ULK4: variants seen among roughly 807,000 people sequenced by gnomAD.
ULK4 encodes inactive serine/threonine-protein kinase ULK4.
ULK4 carries 133 observed loss-of-function variants against 160.6 expected under a neutral mutation model. That is an observed-to-expected ratio of 0.83 (90% CI 0.72 to 0.96). The LOEUF is 0.96. Ranked by LOEUF, ULK4 falls within the 40% of genes least tolerant of loss-of-function variation. The pLI is 0.00. For missense variants in ULK4, 1,580 were observed against 1,499.5 expected, an observed-to-expected ratio of 1.05 and a Z score of -0.89; for synonymous variants, 534 against 539.8, an observed-to-expected ratio of 0.99 and a Z score of 0.15.
chr3:41,903,571 C>T (rs987826734), intron 12 of ULK4, among the ~76,000 whole-genome samples: 2 of 137,610 alleles, frequency 1.5e-5, no homozygotes, highest in Non-Finnish European at 3.1e-5. Context: ...GCAAACAGAG[C>T]GAGACTCTGT....
At position 41,447,918 on chromosome 3, in the gene ULK4, C is replaced by T. The variant is rs534000985; in HGVS notation, c.3492+7579G>A. Among the ~76,000 whole-genome samples the T allele has an allele frequency of 2.6e-5, 4 of 152,072 alleles. No homozygotes were observed. The South Asian group carries it at 6.2e-4, about 24-fold the overall frequency. ...TGATGCAATTTTAAAGCAAGCGAGC[C>T]GAGCCAGTGAGCCATCACCACCACC... On this transcript the variant is annotated intron_variant, in intron 34 of 36. Transcript: ENST00000301831.
intron 21 of ULK4, among the ~76,000 whole-genome samples, chr3:41,775,217 ATAATAAAAG>A (rs1156842624): frequency 6.6e-6 from 1 of 150,602 alleles, no homozygotes; most frequent in Non-Finnish European, 1.5e-5. Context: ...AAGTATAATA[ATAATAAAAG>A]TAATAAAAAT....
At chr3:41,247,128 C>G (rs1336755095) in intron 36 of ULK4, 136 bp from the exon 37 acceptor site, 4 of 858,858 alleles carry the variant, frequency 4.7e-6, no homozygotes, top group Non-Finnish European at 7.4e-6. Flanking sequence ...GAAGCAGAAG[C>G]AGGAAATCCT....
chr3:41,774,978 A>C (rs1022105356), intron 21 of ULK4, among the ~76,000 whole-genome samples: 20 of 149,812 alleles, frequency 1.3e-4, no homozygotes, highest in Non-Finnish European at 2.2e-4. Flanking sequence ...AAGGACAAAA[A>C]ACCAAACACC....
At chr3:41,507,120 C>T (rs2085421625) in intron 32 of ULK4, among the ~76,000 whole-genome samples, 1 of 94,118 alleles carries the variant, frequency 1.1e-5, no homozygotes. Context: ...AGACAAGTAC[C>T]TTATAGATTC....
At chr3:41,580,564 C>G (rs2030229956) in intron 31 of ULK4, among the ~76,000 whole-genome samples, 1 of 152,084 alleles carries the variant, frequency 6.6e-6, no homozygotes, top group South Asian at 2.1e-4. Context: ...ATCCAAATCA[C>G]TGTCACCAGA....
intron 17 of ULK4, among the ~76,000 whole-genome samples, chr3:41,871,283 T>C (rs959675249): frequency 1.1e-4 from 17 of 152,216 alleles, no homozygotes; most frequent in Admixed American, 2.0e-4. Flanking sequence ...TGGGTATCAA[T>C]AGTTCATTTC....
intron 32 of ULK4, among the ~76,000 whole-genome samples, chr3:41,534,652 A>G (rs538732569): frequency 6.6e-6 from 1 of 152,256 alleles, no homozygotes; most frequent in South Asian, 2.1e-4. Flanking sequence ...TGAGGTCCTT[A>G]CTGATATTAC....
At chr3:41,734,496 T>C (rs1353725770) in intron 22 of ULK4, among the ~76,000 whole-genome samples, 3 of 152,058 alleles carry the variant, frequency 2.0e-5, no homozygotes, top group Non-Finnish European at 4.4e-5. Context: ...TGGAGAAAAG[T>C]TCATCTAAGT....
At chr3:41,744,280 T>C (rs886626620) in intron 22 of ULK4, among the ~76,000 whole-genome samples, 4 of 152,090 alleles carry the variant, frequency 2.6e-5, no homozygotes, top group Admixed American at 6.5e-5. Context: ...TACAAAATTA[T>C]GACCCAACAA....
intron 30 of ULK4, among the ~76,000 whole-genome samples, chr3:41,658,733 A>ACACACACACACACACACACTCT (rs760275808): frequency 5.5e-4 from 72 of 131,642 alleles, no homozygotes; most frequent in Middle Eastern, 3.6e-3. Context: ...AACAGTACAC[A>ACACACACACACACACACACTCT]CACACACACA....
chr3:41,950,822 T>C (rs1480059952), intron 2 of ULK4, among the ~76,000 whole-genome samples: 1 of 151,572 alleles, frequency 6.6e-6, no homozygotes, highest in African/African-American at 2.4e-5. Flanking sequence ...CAACAAAAAC[T>C]ACAAAAAACT....
chr3:41,677,236 C>A (rs962733329), intron 29 of ULK4, among the ~76,000 whole-genome samples: 1 of 150,780 alleles, frequency 6.6e-6, no homozygotes, highest in African/African-American at 2.4e-5. Flanking sequence ...TCCAGTCATA[C>A]CCAGGTTTCA....
At chr3:41,444,421 A>C (rs1575227273) in intron 34 of ULK4, among the ~76,000 whole-genome samples, 2 of 150,868 alleles carry the variant, frequency 1.3e-5, no homozygotes, top group African/African-American at 2.5e-5. Flanking sequence ...TACAGATACT[A>C]TGTCTCATAA....
chr3:41,623,040 C>T (rs1022778601), intron 30 of ULK4, among the ~76,000 whole-genome samples: 8 of 152,246 alleles, frequency 5.3e-5, no homozygotes, highest in Non-Finnish European at 7.4e-5. Flanking sequence ...CAGGTTACCG[C>T]TTCAGTCCAA....
At chr3:41,760,864 G>A (rs886316331) in intron 21 of ULK4, among the ~76,000 whole-genome samples, 3 of 151,638 alleles carry the variant, frequency 2.0e-5, no homozygotes, top group African/African-American at 7.3e-5. Context: ...GTCCTTCAAT[G>A]TGTACGTGAA....
intron 35 of ULK4, among the ~76,000 whole-genome samples, chr3:41,269,451 G>A (rs2079101169): frequency 6.6e-6 from 1 of 151,994 alleles, no homozygotes; most frequent in African/African-American, 2.4e-5. Context: ...TGGATGAGGT[G>A]GCAGAATGCA....
At chr3:41,668,665 A>C (rs1020480236) in intron 29 of ULK4, among the ~76,000 whole-genome samples, 12 of 152,230 alleles carry the variant, frequency 7.9e-5, no homozygotes, top group African/African-American at 2.9e-4. Context: ...AAATCAAAAG[A>C]AAAGAAAGGT....
intron 14 of ULK4, among the ~76,000 whole-genome samples, chr3:41,897,639 G>T (rs1212087587): frequency 5.9e-5 from 9 of 152,098 alleles, no homozygotes; most frequent in African/African-American, 9.7e-5. Flanking sequence ...CTAGGTTTGC[G>T]TAAATAGTCC....
Sources: allele counts gnomAD v4.1 joint callset (sites outside exome capture counted in the v4.1 genomes callset), GRCh38; gene constraint gnomAD v4.1.1; transcripts MANE v1.5; gene names NCBI Gene and HGNC (gene_info 2026-07-23, HGNC 2026-07-21).